The following APIP variants were observed in gnomAD, a reference collection of about 807,000 sequenced individuals.
APIP encodes methylthioribulose-1-phosphate dehydratase.
Under a neutral mutation model 32.0 loss-of-function variants are expected in APIP, and 32 were observed. The observed-to-expected ratio is 1.00, with a 90% CI of 0.76 to 1.34. APIP has a LOEUF of 1.34. Ranked by LOEUF, APIP falls within the 40% of genes most tolerant of loss-of-function variation. The pLI is 0.00. For synonymous variants in APIP, 92 were observed against 94.8 expected (o/e 0.97, Z 0.17); for missense variants, 247 against 298.6 (o/e 0.83, Z 1.27).
intron 4 of APIP, 93 bp from the exon 5 acceptor site, chr11:34,888,521 T>C (rs1853124152): frequency 1.3e-6 from 2 of 1,529,764 alleles, no homozygotes; most frequent in African/African-American, 2.8e-5. Context: ...TATATTTACA[T>C]ATGGTTATGG....
intron 1 of APIP, among the ~76,000 whole-genome samples, chr11:34,909,460 G>C (rs1233362123): frequency 1.3e-5 from 2 of 152,122 alleles, no homozygotes; most frequent in African/African-American, 4.8e-5. Flanking sequence ...ACGCAGTCAA[G>C]GAAGGCCTCT....
chr11:34,916,082 G>T, intron 1 of APIP, 146 bp downstream of exon 1: 1 of 1,081,512 alleles, frequency 9.2e-7, no homozygotes, highest in Non-Finnish European at 1.3e-6. Context: ...CAAGGTCGCG[G>T]TGCGCCGGGG....
intron 1 of APIP, among the ~76,000 whole-genome samples, chr11:34,901,282 C>T (rs1853365735): frequency 6.6e-6 from 1 of 152,050 alleles, no homozygotes; most frequent in South Asian, 2.1e-4. Flanking sequence ...GACAAAGCCA[C>T]CTCGACCCTG....
chr11:34,903,153 G>A (rs1204704926), intron 1 of APIP, among the ~76,000 whole-genome samples: 1 of 152,150 alleles, frequency 6.6e-6, no homozygotes, highest in Non-Finnish European at 1.5e-5. Context: ...TCTAAATCCA[G>A]CCACCTTCTT....
intron 1 of APIP, among the ~76,000 whole-genome samples, chr11:34,907,958 C>G (rs1177127834): frequency 6.6e-6 from 1 of 152,060 alleles, no homozygotes; most frequent in Non-Finnish European, 1.5e-5. Context: ...ATCCCCTCCC[C>G]CATCTTTTCT....
At position 34,890,493 on chromosome 11, in the gene APIP, CATTACCAT is replaced by C; in HGVS notation, c.207+3_207+10del. 6.2e-7 allele frequency: 1 copy of C among 1,605,864 alleles called. No homozygotes were observed. The highest frequency in any genetic ancestry group is 8.5e-7 in the Non-Finnish European group (1 of 1,176,254). ...AAAAGACACTGAGGTTAAAGAATCC[CATTACCAT>C]ACCTGAATTCGTTCCTTTTGCACTC... is the stretch of plus-strand genomic sequence containing the variant. On this transcript the variant is annotated splice_donor_5th_base_variant and intron_variant, in intron 3 of 6. Coordinates refer to ENST00000395787, the MANE Select transcript of APIP (RefSeq NM_015957.4).
chr11:34,883,269 C>A, intron 6 of APIP, 68 bp downstream of exon 6: 4 of 1,442,890 alleles, frequency 2.8e-6, no homozygotes, highest in South Asian at 1.4e-5. Context: ...AACCAACTGA[C>A]ATACTTTGTT....
intron 6 of APIP, 75 bp from the exon 7 acceptor site, chr11:34,882,891 C>T: frequency 9.4e-7 from 1 of 1,061,976 alleles, no homozygotes; most frequent in South Asian, 1.5e-5. Flanking sequence ...CACATTTCTC[C>T]TCTCTTGCAG....
rs1166006887 is a variant in APIP, at chr11:34,896,855, A to C, written c.58-1745T>G. On this transcript the variant is annotated intron_variant, in intron 1 of 6. Transcript: ENST00000395787. ...TTCAATTTTGATAGCCATGTAAGCC[A>C]CTAGAAGCATGAGACAAAACCCAGG... is the stretch of plus-strand genomic sequence containing the variant. The C allele has an allele frequency of 6.3e-6, 8 of 1,268,598 alleles. No individual in the cohort carries two copies. The Admixed American group carries it at 9.2e-5, about 15-fold the overall frequency. The allele number at this position is 1,268,598 out of a possible 1,614,324, so 78.6% of individuals were successfully genotyped here.
At chr11:34,909,071 G>C (rs963669074) in intron 1 of APIP, among the ~76,000 whole-genome samples, 2 of 152,220 alleles carry the variant, frequency 1.3e-5, no homozygotes, top group African/African-American at 4.8e-5. Context: ...GGAGGCTGCT[G>C]AAAGAGTTTA....
chr11:34,906,542 G>A (rs1853460124), intron 1 of APIP, among the ~76,000 whole-genome samples: 1 of 152,198 alleles, frequency 6.6e-6, no homozygotes, highest in Non-Finnish European at 1.5e-5. Flanking sequence ...GATGCAACAA[G>A]GGTGGAAGGC....
intron 1 of APIP, among the ~76,000 whole-genome samples, chr11:34,913,353 C>T (rs7104418): frequency 0.19 from 28,792 of 152,140 alleles, 3,889 homozygotes; most frequent in African/African-American, 0.39. Flanking sequence ...CGGACCCTTG[C>T]GGTGAGTGTT....
intron 1 of APIP, among the ~76,000 whole-genome samples, chr11:34,910,688 T>C (rs1246881602): frequency 6.6e-6 from 1 of 152,204 alleles, no homozygotes; most frequent in East Asian, 1.9e-4. Context: ...AGAGTGCTTA[T>C]TTTGTGCCAG....
chr11:34,906,146 C>T (rs1853448379), intron 1 of APIP, among the ~76,000 whole-genome samples: 1 of 150,148 alleles, frequency 6.7e-6, no homozygotes, highest in Admixed American at 6.6e-5. Flanking sequence ...TTAGAACTGT[C>T]TCTTCAAGGA....
chr11:34,897,565 G>GT lies in APIP; in HGVS notation c.58-2456dup, dbSNP rs61026220. 2.0e-3 allele frequency among the ~76,000 whole-genome samples: 302 copies of GT among 148,072 alleles called. 1 individual carries two copies. Among genetic ancestry groups the GT allele is most frequent in the Middle Eastern group, 3.5e-3 (1 of 286 alleles). On this transcript the variant is annotated intron_variant, in intron 1 of 6. Transcript: ENST00000395787. ...TCTTTTAATAATGCAGCTTAGTAAG[G>GT]TTTTTTTTTTTCTTTTAATAATGCA... is the stretch of plus-strand genomic sequence containing the variant.
rs747297560 is a variant in APIP at position 34,888,383 on chromosome 11, G to T, written c.371C>A (p.Ala124Asp). The change falls in exon 5 of 7, where the codon GCC becomes GAC. Residue 124 changes from alanine (A) to aspartate (D), a missense_variant. Physicochemically the swap from Ala to Asp is moderately radical, Grantham distance 126 (BLOSUM62 -2). Transcript: ENST00000395787. ...CTCCCGTCCTGGAAAGAGAAGTGTG[G>T]CCATCACAGCAGCTTTAGAGTGGGT... ...IHTHSKAAVMATLLFPGREFK... is the reference protein window; with the variant it reads ...IHTHSKAAVMDTLLFPGREFK... 3 of 1,610,960 alleles carry T rather than the reference G, an allele frequency of 1.9e-6. No homozygotes were observed. The highest frequency in any genetic ancestry group is 1.7e-6 in the Non-Finnish European group (2 of 1,178,608).
chr11:34,888,848 C>A lies in APIP; in HGVS notation c.229G>T (p.Asp77Tyr). The change falls in exon 4 of 7, where the codon GAT becomes TAT. Residue 77 changes from aspartate (D) to tyrosine (Y), a missense_variant. Transcript: ENST00000395787. ...CCACTTATGTCCTTTTCATTTATAT[C>A]ACAAACAAACATGTCTTCAGGCTAT... Reference protein sequence around the residue: ...RIQPEDMFVCDINEKDISGPS... With the variant: ...RIQPEDMFVCYINEKDISGPS... 6.7e-7 allele frequency: 1 copy of A among 1,490,868 alleles called. No homozygotes were observed. The highest frequency in any genetic ancestry group is 8.9e-7 in the Non-Finnish European group (1 of 1,129,494). 92.4% of individuals were successfully genotyped at this position (1,490,868 alleles called of 1,614,324 possible). A position where few individuals can be genotyped will look rare whatever the true frequency, so the allele number is the denominator to read the frequency against.
At chr11:34,895,362 A>C (rs1853252139) in intron 1 of APIP, among the ~76,000 whole-genome samples, 1 of 152,234 alleles carries the variant, frequency 6.6e-6, no homozygotes, top group South Asian at 2.1e-4. Context: ...ACAGGCTGCA[A>C]AAACAAGGTG....
chr11:34,909,637 G>A (rs2956119), intron 1 of APIP, among the ~76,000 whole-genome samples: 125,168 of 152,082 alleles, frequency 0.82, 51,746 homozygotes, highest in African/African-American at 0.88. Context: ...CTTCACAGGC[G>A]GAAGATCAGT....
Sources: allele counts gnomAD v4.1 joint callset (sites outside exome capture counted in the v4.1 genomes callset), GRCh38; gene constraint gnomAD v4.1.1; transcripts MANE v1.5; gene names NCBI Gene and HGNC (gene_info 2026-07-23, HGNC 2026-07-21).